The following ZNF599 variants were observed in gnomAD, a reference collection of about 807,000 sequenced individuals.
The protein encoded by ZNF599 is zinc finger protein 599.
Under a neutral mutation model 11.7 loss-of-function variants are expected in ZNF599, and 10 were observed. That is an observed-to-expected ratio of 0.86 (90% CI 0.53 to 1.45). The LOEUF (loss-of-function observed/expected upper bound fraction) is 1.45, where lower values mean the gene tolerates loss of function less well. Among genes scored for constraint, ZNF599 ranks in the 40% most tolerant of loss-of-function variants. The pLI is 0.00. For synonymous variants in ZNF599, 232 were observed against 253.2 expected, an observed-to-expected ratio of 0.92 and a Z score of 0.79; for missense variants, 688 against 713.6, an observed-to-expected ratio of 0.96 and a Z score of 0.41.
chr19:34,801,354 G>T, the ZNF599 span, among the ~76,000 whole-genome samples: 4 of 152,268 alleles, frequency 2.6e-5, no homozygotes, highest in East Asian at 7.7e-4. Flanking sequence ...ATTCTTTGTT[G>T]TTCAGTAAAA....
intron 2 of ZNF599, among the ~76,000 whole-genome samples, chr19:34,768,337 T>C (rs929653448): frequency 2.0e-5 from 3 of 152,210 alleles, no homozygotes; most frequent in Admixed American, 6.5e-5. Flanking sequence ...ACATCTCCTT[T>C]CGACAACTAA....
rs2069152281 is a variant in ZNF599, at chr19:34,767,469, T to C, written c.146-58A>G. The stretch of plus-strand genomic sequence containing the variant: ...ACAGGGAAAGACAAAAAGAAAAGTC[T>C]GAGGTGTAAAGGAGTACATATATTT... On this transcript the variant is annotated intron_variant, in intron 2 of 3. Transcript: ENST00000329285. 2.8e-6 allele frequency: 4 copies of C among 1,421,914 alleles called. No individual in the cohort carries two copies. In the East Asian group the frequency reaches 9.2e-5, roughly 33 times the overall value. 88.1% of individuals were successfully genotyped at this position (1,421,914 alleles called of 1,614,324 possible).
the ZNF599 span, among the ~76,000 whole-genome samples, chr19:34,779,136 G>T: frequency 6.6e-6 from 1 of 151,746 alleles, no homozygotes; most frequent in Admixed American, 6.6e-5. Context: ...ACCCAGGTTG[G>T]AGTGCAATGG....
chr19:34,799,930 A>T, the ZNF599 span, among the ~76,000 whole-genome samples: 1 of 152,210 alleles, frequency 6.6e-6, no homozygotes, highest in African/African-American at 2.4e-5. Context: ...TCCACTCTAC[A>T]TACTTGTCAG....
At chr19:34,771,473 C>G (rs2069183686) in intron 1 of ZNF599, among the ~76,000 whole-genome samples, 1 of 152,138 alleles carries the variant, frequency 6.6e-6, no homozygotes, top group African/African-American at 2.4e-5. Flanking sequence ...CAGTGAAGAC[C>G]AGCTACTATT....
rs1380057390 is a variant in ZNF599 at position 34,760,302 on chromosome 19, C to T, written c.499G>A (p.Val167Ile). The change falls in exon 4 of 4, where the codon GTT becomes ATT. Residue 167 changes from valine to isoleucine, a missense_variant. By Grantham distance (29) the Val-to-Ile change is conservative (BLOSUM62 3). Transcript: ENST00000329285. ...LEPDDSLGLRVLQERVTPQDA... is the reference protein window; with the variant it reads ...LEPDDSLGLRILQERVTPQDA... ...TGTGGAGTGACTCGTTCCTGTAAAA[C>T]CCTTAAGCCCAGACTATCATCTGGC... The T allele has an allele frequency of 6.2e-7, 1 of 1,614,128 alleles. No homozygotes were observed. Among genetic ancestry groups the T allele is most frequent in the East Asian group, 2.2e-5 (1 of 44,882 alleles).
chr19:34,793,554 C>T, the ZNF599 span, among the ~76,000 whole-genome samples: 2 of 152,216 alleles, frequency 1.3e-5, no homozygotes, highest in Non-Finnish European at 2.9e-5. Flanking sequence ...CATCAAAATA[C>T]AACAATGAAA....
the ZNF599 span, among the ~76,000 whole-genome samples, chr19:34,780,351 AT>A: frequency 7.2e-5 from 11 of 152,000 alleles, no homozygotes; most frequent in Non-Finnish European, 1.2e-4. Context: ...CTACAAAAAA[AT>A]TAAAAAATAA....
chr19:34,760,039 T>C lies in ZNF599; in HGVS notation c.762A>G (p.Pro254=), dbSNP rs780427451. 2.5e-6 allele frequency: 4 copies of C among 1,613,880 alleles called. No individual in the cohort carries two copies. The highest frequency in any genetic ancestry group is 4.5e-5 in the East Asian group (2 of 44,880). The change falls in exon 4 of 4, where the codon CCA becomes CCG. Residue 254 remains proline (P), a synonymous_variant. Coordinates refer to ENST00000329285, the MANE Select transcript of ZNF599 (RefSeq NM_001007248.3). ...RHMRLHTGEK[P]YKCIECGKAF... ...CTTTCCCACACTCAATACACTTGTA[T>C]GGTTTTTCCCCAGTATGAAGCCTCA...
In ZNF599 at chr19:34,767,308, T is replaced by G; in HGVS notation, c.241+8A>C. 3 of 1,613,186 alleles carry G rather than the reference T, an allele frequency of 1.9e-6. No homozygotes were observed. The highest frequency in any genetic ancestry group is 2.5e-6 in the Non-Finnish European group (3 of 1,179,240). ...CTGATACCCGCTGCCAGACTCTCAG[T>G]CACCAACCTGCGCAGGTGCTTTGGG... On this transcript the variant is annotated splice_region_variant and intron_variant, in intron 3 of 3. Transcript: ENST00000329285.
intron 2 of ZNF599, among the ~76,000 whole-genome samples, chr19:34,768,946 C>A (rs192966369): frequency 1.1e-4 from 17 of 152,332 alleles, no homozygotes; most frequent in African/African-American, 4.1e-4. Flanking sequence ...AAGGCACAGG[C>A]CTTAGGAAGT....
the ZNF599 span, among the ~76,000 whole-genome samples, chr19:34,798,282 T>G: frequency 2.6e-5 from 4 of 152,250 alleles, no homozygotes; most frequent in South Asian, 6.2e-4. Flanking sequence ...ATGTGCTCAT[T>G]GCTACTGGGG....
At chr19:34,807,571 G>A in the ZNF599 span, among the ~76,000 whole-genome samples, 19 of 152,190 alleles carry the variant, frequency 1.2e-4, no homozygotes, top group Admixed American at 6.5e-5. Flanking sequence ...ACAGCTGCAA[G>A]GCAGCCAAAA....
At position 34,759,399 on chromosome 19, in the gene ZNF599, G is replaced by C. The variant is rs749261191; in HGVS notation, c.1402C>G (p.Arg468Gly). The change falls in exon 4 of 4, where the codon CGA (arginine) becomes GGA (glycine). Residue 468 changes from arginine to glycine, a missense_variant. Transcript: ENST00000329285. ...KAFTHHSVFI[R>G]HNRTHSGQKP... ...TGTCCACTGTGGGTCCTATTATGTC[G>C]AATAAAAACAGAGTGGTGTGTAAAA... 1 of 1,614,082 alleles carries C rather than the reference G, an allele frequency of 6.2e-7. No homozygotes were observed. The highest frequency in any genetic ancestry group is 1.1e-5 in the South Asian group (1 of 91,082).
At chr19:34,806,809 C>T in the ZNF599 span, among the ~76,000 whole-genome samples, 4 of 152,128 alleles carry the variant, frequency 2.6e-5, no homozygotes, top group Non-Finnish European at 5.9e-5. Flanking sequence ...CACTGTCCAG[C>T]CCAAAACCCC....
At chr19:34,782,363 A>G in the ZNF599 span, among the ~76,000 whole-genome samples, 5 of 152,066 alleles carry the variant, frequency 3.3e-5, no homozygotes, top group Non-Finnish European at 7.3e-5. Flanking sequence ...TCCCAGCCAA[A>G]TAGTGATCTT....
At chr19:34,766,188 C>G (rs1279924058) in intron 3 of ZNF599, among the ~76,000 whole-genome samples, 1 of 152,086 alleles carries the variant, frequency 6.6e-6, no homozygotes, top group Non-Finnish European at 1.5e-5. Context: ...AAGAAGGACA[C>G]TAGAGGGGTG....
rs770135591 is a variant in ZNF599 at position 34,759,111 on chromosome 19, CA to C, written c.1689del (p.Phe563LeufsTer40). The C allele has an allele frequency of 6.2e-7, 1 of 1,614,204 alleles. No homozygotes were observed. Among genetic ancestry groups the C allele is most frequent in the South Asian group, 1.1e-5 (1 of 91,072 alleles). ...HMRTHTGEKP[F>X]ECNECGKTFS... ...AAGGTCTTTCCACATTCATTGCATT[CA>C]AAGGGTTTCTCTCCAGTGTGAGTTC... On this transcript the variant is annotated frameshift_variant, in exon 4 of 4. Coordinates refer to ENST00000329285, the MANE Select transcript of ZNF599 (RefSeq NM_001007248.3). LOFTEE classifies it low-confidence loss of function (END_TRUNC).
chr19:34,759,084 T>A lies in ZNF599; in HGVS notation c.1717A>T (p.Ser573Cys). 7 of 1,614,038 alleles carry A rather than the reference T, an allele frequency of 4.3e-6. No homozygotes were observed. The highest frequency in any genetic ancestry group is 5.9e-6 in the Non-Finnish European group (7 of 1,179,864). ...TGGTGAGTGAACGATGAACTGTGGC[T>A]GAAGGTCTTTCCACATTCATTGCAT... ...FECNECGKTFSHSSSFTHHRK... is the reference protein window; with the variant it reads ...FECNECGKTFCHSSSFTHHRK... The change falls in exon 4 of 4, where the codon AGC becomes TGC. Residue 573 changes from serine (S) to cysteine (C), a missense_variant. Physicochemically the swap from Ser to Cys is moderately radical, Grantham distance 112 (BLOSUM62 -1). Transcript: ENST00000329285.
Sources: gnomAD v4.1 joint callset for allele counts (sites outside exome capture counted in the v4.1 genomes callset) on GRCh38, gnomAD v4.1.1 for gene constraint, MANE v1.5 for transcripts, NCBI Gene and HGNC (gene_info 2026-07-23, HGNC 2026-07-21) for gene names.